Variants in PPP1R7 observed in about 807,000 individuals in gnomAD.
The protein encoded by PPP1R7 is protein phosphatase 1 regulatory subunit 22.
Under a neutral mutation model 45.2 loss-of-function variants are expected in PPP1R7, and 18 were observed. The ratio of observed to expected loss-of-function variants is 0.40; its 90% CI spans 0.28 to 0.59. The LOEUF is 0.59. Among genes scored for constraint, PPP1R7 ranks in the 20% least tolerant of loss-of-function variants. PPP1R7 has a pLI of 0.46. For missense variants in PPP1R7, 314 were observed against 455.8 expected (o/e 0.69, Z 2.83); for synonymous variants, 181 against 183.4 (o/e 0.99, Z 0.11).
In PPP1R7 at chr2:241,172,154, CT is replaced by C. The variant is rs34924573; in HGVS notation, c.906+2299del. Among the ~76,000 whole-genome samples the C allele has an allele frequency of 3.1e-3, 442 of 143,762 alleles. 2 individuals are homozygous for C. The highest frequency in any genetic ancestry group is 7.0e-3 in the Middle Eastern group (2 of 286). The allele number at this position is 143,762 out of a possible 152,430, so 94.3% of individuals were successfully genotyped here. On this transcript the variant is annotated intron_variant, in intron 9 of 9. Transcript: ENST00000234038. ...CTTTCCTACCTACTTTTTGGAGTGA[CT>C]TTTTTTTTTTTGCAGTCTATTTTAA...
At chr2:241,163,234 TG>T in intron 6 of PPP1R7, 50 bp from the exon 7 acceptor site, 1 of 1,286,596 alleles carries the variant, frequency 7.8e-7, no homozygotes, top group Non-Finnish European at 1.1e-6. Context: ...GCTGGCTGCC[TG>T]GGGCAGCCTG....
intron 9 of PPP1R7, among the ~76,000 whole-genome samples, chr2:241,175,237 C>G (rs2067890530): frequency 6.6e-6 from 1 of 152,192 alleles, no homozygotes. Flanking sequence ...GAGTGGTATT[C>G]AGCACATTCG....
intron 6 of PPP1R7, among the ~76,000 whole-genome samples, chr2:241,162,685 T>C (rs1158328371): frequency 2.3e-5 from 3 of 132,762 alleles, no homozygotes; most frequent in African/African-American, 7.7e-5. Flanking sequence ...TGGGAGGACT[T>C]TTTTTTTTTT....
intron 1 of PPP1R7, among the ~76,000 whole-genome samples, chr2:241,151,011 G>A (rs2067275486): frequency 6.6e-6 from 1 of 152,178 alleles, no homozygotes; most frequent in Admixed American, 6.5e-5. Flanking sequence ...GGGGTAACAA[G>A]GAACCGGAAG....
chr2:241,163,437 C>G, intron 7 of PPP1R7, 36 bp downstream of exon 7: 7 of 1,416,132 alleles, frequency 4.9e-6, no homozygotes, highest in Non-Finnish European at 7.0e-6. Flanking sequence ...CCCTGCGAGC[C>G]CTGGCAGGGC....
chr2:241,149,809 G>C (rs1001519465), upstream of PPP1R7: 1 of 1,531,682 alleles, frequency 6.5e-7, no homozygotes, highest in East Asian at 2.5e-5. Flanking sequence ...GTAGACGAAG[G>C]CTGCAGCGTC....
chr2:241,156,776 AATGTT>A (rs1176355243), intron 2 of PPP1R7, among the ~76,000 whole-genome samples: 12 of 152,254 alleles, frequency 7.9e-5, no homozygotes, highest in African/African-American at 2.9e-4. Context: ...TAAGGAAAGA[AATGTT>A]AAGACAGTTG....
At chr2:241,167,500 T>C (rs1002011351) in intron 8 of PPP1R7, among the ~76,000 whole-genome samples, 4 of 143,294 alleles carry the variant, frequency 2.8e-5, no homozygotes, top group Non-Finnish European at 6.2e-5. Context: ...TGGCAGGGGC[T>C]GGGGTTGGGG....
chr2:241,167,778 T>A (rs1376321216), intron 8 of PPP1R7, among the ~76,000 whole-genome samples: 1 of 152,250 alleles, frequency 6.6e-6, no homozygotes, highest in Non-Finnish European at 1.5e-5. Context: ...GTATTAAAGG[T>A]AATTACGTTA....
intron 2 of PPP1R7, among the ~76,000 whole-genome samples, chr2:241,157,393 G>C (rs2067483858): frequency 6.6e-6 from 1 of 152,234 alleles, no homozygotes; most frequent in African/African-American, 2.4e-5. Flanking sequence ...AACAAAAAGA[G>C]AAAAGCTACA....
rs1387259094 is a variant in PPP1R7 at position 241,182,813 on chromosome 2, T to C, written c.1073T>C (p.Val358Ala). 6.2e-7 allele frequency: 1 copy of C among 1,612,768 alleles called. No individual in the cohort carries two copies. The highest frequency in any genetic ancestry group is 1.1e-5 in the South Asian group (1 of 91,076). Reference protein sequence around the residue: ...PSVRQIDATFVRF With the variant: ...PSVRQIDATFARF The stretch of plus-strand genomic sequence containing the variant: ...GTGCGGCAGATCGATGCCACGTTCG[T>C]CAGGTTCTGAGTCCTTCTTGGCTCC... Residue 358 changes from valine to alanine, a missense_variant, in exon 10 of 10, where the codon GTC becomes GCC. Val to Ala is a moderately conservative substitution (Grantham distance 64, BLOSUM62 0). Coordinates refer to ENST00000234038, the MANE Select transcript of PPP1R7 (RefSeq NM_002712.3).
chr2:241,151,527 A>C (rs958377198), intron 1 of PPP1R7: 13 of 471,124 alleles, frequency 2.8e-5, no homozygotes, highest in Non-Finnish European at 5.3e-5. Flanking sequence ...AGAATCACTC[A>C]AGACGGAGAA....
At chr2:241,173,000 A>G (rs2067845004) in intron 9 of PPP1R7, among the ~76,000 whole-genome samples, 1 of 151,724 alleles carries the variant, frequency 6.6e-6, no homozygotes, top group Admixed American at 6.6e-5. Flanking sequence ...TTAAAAATAA[A>G]TAGAGATGGG....
At chr2:241,153,858 T>C (rs1406649707) in intron 2 of PPP1R7, among the ~76,000 whole-genome samples, 3 of 152,076 alleles carry the variant, frequency 2.0e-5, no homozygotes, top group South Asian at 2.1e-4. Context: ...AGCACAAATA[T>C]GGGTACTAGT....
At chr2:241,180,418 A>C (rs983493717) in intron 9 of PPP1R7, among the ~76,000 whole-genome samples, 76 of 148,016 alleles carry the variant, frequency 5.1e-4, no homozygotes, top group African/African-American at 1.9e-3. Context: ...AAAGTGAAAA[A>C]ATCGCAAAAA....
At chr2:241,156,878 TTGTG>T (rs1330864339) in intron 2 of PPP1R7, among the ~76,000 whole-genome samples, 5 of 152,052 alleles carry the variant, frequency 3.3e-5, no homozygotes, top group South Asian at 4.1e-4. Context: ...GTGTGCGTGT[TTGTG>T]TGTCTGCATG....
At chr2:241,164,909 A>C (rs1010901079) in intron 7 of PPP1R7, among the ~76,000 whole-genome samples, 4 of 151,906 alleles carry the variant, frequency 2.6e-5, no homozygotes, top group African/African-American at 9.7e-5. Flanking sequence ...TTAGCCAGGC[A>C]TGGTGGCGGG....
At chr2:241,171,135 C>T (rs778518812) in intron 9 of PPP1R7, among the ~76,000 whole-genome samples, 3 of 152,200 alleles carry the variant, frequency 2.0e-5, no homozygotes, top group African/African-American at 4.8e-5. Context: ...TGAAGCGTAA[C>T]GATTCCTTCT....
rs763483502 is a variant in PPP1R7, at chr2:241,167,092, C to T, written c.819+651C>T. On this transcript the variant is annotated intron_variant, in intron 8 of 9. Coordinates refer to ENST00000234038, the MANE Select transcript of PPP1R7 (RefSeq NM_002712.3). ...GAGGGGAAGTGTGCTCACAGAGCCC[C>T]CACCCTCCTCAGCTGCCTCCAGCTC... 3 of 1,610,034 alleles carry T rather than the reference C, an allele frequency of 1.9e-6. No individual in the cohort carries two copies. The East Asian group carries it at 6.7e-5, about 36-fold the overall frequency.
Sources: allele counts gnomAD v4.1 joint callset (sites outside exome capture counted in the v4.1 genomes callset), GRCh38; gene constraint gnomAD v4.1.1; transcripts MANE v1.5; gene names NCBI Gene and HGNC (gene_info 2026-07-23, HGNC 2026-07-21).